The following ATP13A5 variants were observed in gnomAD, a reference collection of about 807,000 sequenced individuals.
ATP13A5 encodes ATPase 13A5.
A neutral mutation model predicts 150.2 loss-of-function variants in ATP13A5; 149 were observed. The ratio of observed to expected loss-of-function variants is 0.99; its 90% CI spans 0.87 to 1.14. The LOEUF (loss-of-function observed/expected upper bound fraction) is 1.14. ATP13A5 is among the 50% of genes most tolerant of loss of function. The pLI is 0.00. For synonymous variants in ATP13A5, 497 were observed against 522.2 expected (o/e 0.95, Z 0.66); for missense variants, 1,383 against 1,449.3 (o/e 0.95, Z 0.74).
chr3:193,277,742 C>T (rs972519771), intron 28 of ATP13A5: 2 of 152,218 alleles, frequency 1.3e-5, no homozygotes, highest in Admixed American at 1.3e-4. Context: ...GAGAACCTGG[C>T]TCTTTTTCTC....
chr3:193,317,927 C>T (rs929866218), intron 17 of ATP13A5, among the ~76,000 whole-genome samples: 7 of 152,162 alleles, frequency 4.6e-5, no homozygotes, highest in East Asian at 1.9e-4. Flanking sequence ...ATGTCCTTAA[C>T]GTTGATTATT....
intron 13 of ATP13A5, 82 bp from the exon 14 acceptor site, chr3:193,325,096 C>A: frequency 1.4e-6 from 2 of 1,395,258 alleles, no homozygotes; most frequent in Non-Finnish European, 2.0e-6. Context: ...AGTGGAGCTC[C>A]AAACACCTAA....
In ATP13A5 at chr3:193,339,225, T is replaced by C. The variant is rs537531424; in HGVS notation, c.944-4126A>G. Among the ~76,000 whole-genome samples the C allele has an allele frequency of 2.0e-3, 302 of 152,262 alleles. 1 individual carries two copies. Among genetic ancestry groups the C allele is most frequent in the Non-Finnish European group, 2.8e-3 (188 of 68,016 alleles). ...GATTTTTTTAAGGGTTTTTTGTGTCTCTATTTCCTTCAGTTCTGCTCTGAT... is the reference window on the plus strand; with the variant it reads ...GATTTTTTTAAGGGTTTTTTGTGTCCCTATTTCCTTCAGTTCTGCTCTGAT... On this transcript the variant is annotated intron_variant, in intron 9 of 29. Coordinates refer to ENST00000342358, the MANE Select transcript of ATP13A5 (RefSeq NM_198505.4).
intron 5 of ATP13A5, among the ~76,000 whole-genome samples, chr3:193,360,580 A>T (rs1712965342): frequency 6.6e-6 from 1 of 152,226 alleles, no homozygotes; most frequent in Admixed American, 6.5e-5. Context: ...TAACATAAAT[A>T]TGACCATGTT....
intron 8 of ATP13A5, among the ~76,000 whole-genome samples, chr3:193,344,580 C>A (rs545775920): frequency 3.9e-5 from 6 of 152,244 alleles, no homozygotes; most frequent in African/African-American, 1.4e-4. Flanking sequence ...GATGGCAGTT[C>A]AAATTGTGTG....
intron 26 of ATP13A5, 56 bp from the exon 27 acceptor site, chr3:193,285,172 G>T: frequency 7.0e-7 from 1 of 1,426,612 alleles, no homozygotes; most frequent in Non-Finnish European, 9.6e-7. Flanking sequence ...TGTCCATTAG[G>T]TGAAAAAAAA....
At position 193,378,715 on chromosome 3, in the gene ATP13A5, T is replaced by C; in HGVS notation, c.11A>G (p.Asn4Ser). Residue 4 changes from asparagine to serine, a missense_variant, in exon 1 of 30, where the codon AAC becomes AGC. This residue lies in a region of ATP13A5 where 787 missense variants were observed against 771.9 expected (regional missense o/e 1.02). Coordinates refer to ENST00000342358, the MANE Select transcript of ATP13A5 (RefSeq NM_198505.4). MEE[N>S]SKKDHRALLN... is the part of the protein sequence containing the mutation. Reference sequence around the variant, plus strand: ...CAAAGCCCGATGGTCCTTCTTACTGTTCTCTTCCATCTGAACTCAACCGGC... The same window carrying C: ...CAAAGCCCGATGGTCCTTCTTACTGCTCTCTTCCATCTGAACTCAACCGGC... The C allele has an allele frequency of 6.2e-7, 1 of 1,613,848 alleles. No homozygotes were observed. Among genetic ancestry groups the C allele is most frequent in the South Asian group, 1.1e-5 (1 of 91,056 alleles).
rs555587639 is a variant in ATP13A5 at position 193,340,758 on chromosome 3, T to A, written c.943+3169A>T. 3.9e-5 allele frequency among the ~76,000 whole-genome samples: 6 copies of A among 152,292 alleles called. No individual in the cohort carries two copies. The South Asian group carries it at 1.2e-3, about 32-fold the overall frequency. On this transcript the variant is annotated intron_variant, in intron 9 of 29. Transcript: ENST00000342358. ...AATTTATTTATTAAGACAATAGAAG[T>A]CTTCTGTTTTCTTCATATAACTTAT...
At chr3:193,318,544 A>G (rs1041414603) in intron 17 of ATP13A5, among the ~76,000 whole-genome samples, 8 of 152,166 alleles carry the variant, frequency 5.3e-5, no homozygotes, top group Non-Finnish European at 1.0e-4. Context: ...TGTAGTATTG[A>G]GCACTGAAAA....
At chr3:193,347,691 T>G (rs13085410) in intron 7 of ATP13A5, among the ~76,000 whole-genome samples, 128,111 of 152,122 alleles carry the variant, frequency 0.84, 54,680 homozygotes, top group Non-Finnish European at 0.91. Flanking sequence ...AGACTTAGCA[T>G]TCTGTGTAAC....
intron 10 of ATP13A5, 130 bp downstream of exon 10, chr3:193,334,799 T>C (rs1416734560): frequency 2.3e-5 from 18 of 768,052 alleles, no homozygotes; most frequent in Non-Finnish European, 3.3e-5. Context: ...ATAATAAGTG[T>C]CTGTTTGGAA....
intron 9 of ATP13A5, among the ~76,000 whole-genome samples, chr3:193,336,189 A>G (rs1009298013): frequency 1.6e-4 from 24 of 151,882 alleles, no homozygotes; most frequent in African/African-American, 5.3e-4. Context: ...AAATTTGTAT[A>G]CTCTTCATTT....
chr3:193,340,775 A>G lies in ATP13A5; in HGVS notation c.943+3152T>C, dbSNP rs78966848. Reference sequence around the variant, plus strand: ...AATAGAAGTCTTCTGTTTTCTTCATATAACTTATAACTGTTGAAAATTTGT... The same window carrying G: ...AATAGAAGTCTTCTGTTTTCTTCATGTAACTTATAACTGTTGAAAATTTGT... On this transcript the variant is annotated intron_variant, in intron 9 of 29. Coordinates refer to ENST00000342358, the MANE Select transcript of ATP13A5 (RefSeq NM_198505.4). 2.7e-4 allele frequency among the ~76,000 whole-genome samples: 41 copies of G among 152,336 alleles called. No homozygotes were observed. In the East Asian group the frequency reaches 6.7e-3, roughly 25 times the overall value.
chr3:193,355,579 T>C (rs1712751780), intron 5 of ATP13A5, among the ~76,000 whole-genome samples: 1 of 152,190 alleles, frequency 6.6e-6, no homozygotes, highest in Admixed American at 6.5e-5. Context: ...AGTATAATTG[T>C]AGTTTGCAAA....
chr3:193,300,188 CTCT>C (rs1440647456), intron 24 of ATP13A5, among the ~76,000 whole-genome samples: 2 of 152,108 alleles, frequency 1.3e-5, no homozygotes, highest in Non-Finnish European at 2.9e-5. Context: ...ATATCCTTTC[CTCT>C]TCTTTTCACC....
chr3:193,289,249 A>G (rs1427953624), intron 26 of ATP13A5, among the ~76,000 whole-genome samples: 2 of 152,140 alleles, frequency 1.3e-5, no homozygotes, highest in African/African-American at 4.8e-5. Flanking sequence ...GCCTACCACA[A>G]AAACATTAAA....
intron 17 of ATP13A5, among the ~76,000 whole-genome samples, chr3:193,317,477 A>G (rs1719092925): frequency 6.6e-6 from 1 of 152,154 alleles, no homozygotes; most frequent in Non-Finnish European, 1.5e-5. Context: ...TTCAATACAG[A>G]TTTGCTAAAC....
chr3:193,321,487 C>T (rs560362391), intron 16 of ATP13A5, among the ~76,000 whole-genome samples, 194 bp downstream of exon 16: 16 of 152,046 alleles, frequency 1.1e-4, no homozygotes, highest in South Asian at 4.2e-4. Context: ...TAAAATTAGC[C>T]GGGTGTGGTG....
At position 193,275,256 on chromosome 3, in the gene ATP13A5, T is replaced by G; in HGVS notation, c.3443A>C (p.Glu1148Ala). Residue 1148 changes from glutamate to alanine, a missense_variant, in exon 30 of 30, where the codon GAA becomes GCA. Physicochemically the swap from Glu to Ala is moderately radical, Grantham distance 107. Around this residue, in one of 3 missense-constraint regions of ATP13A5, gnomAD observed 568 missense variants for 621.5 expected, o/e 0.91. Transcript: ENST00000342358. Reference protein sequence around the residue: ...NHELWLLIKREFGFYSKSQYR... With the variant: ...NHELWLLIKRAFGFYSKSQYR... The stretch of plus-strand genomic sequence containing the variant: ...TTGACTTTTAGAGTAGAATCCAAAT[T>G]CTCTTTTGATCAACAGCCAGAGTTC... 1 of 1,614,042 alleles carries G rather than the reference T, an allele frequency of 6.2e-7. No individual in the cohort carries two copies. The highest frequency in any genetic ancestry group is 8.5e-7 in the Non-Finnish European group (1 of 1,180,034).
Sources: gnomAD v4.1 joint callset for allele counts (sites outside exome capture counted in the v4.1 genomes callset) on GRCh38, gnomAD v4.1.1 for gene constraint, gnomAD v4.1.1 regional missense constraint, MANE v1.5 for transcripts, NCBI Gene and HGNC (gene_info 2026-07-23, HGNC 2026-07-21) for gene names.